The following TPT1 variants were observed in gnomAD, a reference collection of about 807,000 sequenced individuals.
The protein encoded by TPT1 is tumor protein, translationally-controlled 1.
In TPT1, 5 loss-of-function variants were observed where a neutral mutation model predicts 22.8. The ratio of observed to expected loss-of-function variants is 0.22; its 90% CI spans 0.11 to 0.46. The LOEUF (loss-of-function observed/expected upper bound fraction) is 0.46. Ranked by LOEUF, TPT1 falls within the 20% of genes least tolerant of loss-of-function variation. The pLI is 0.99. For missense variants in TPT1, 130 were observed against 218.7 expected, an observed-to-expected ratio of 0.59 and a Z score of 2.56; for synonymous variants, 89 against 73.6, an observed-to-expected ratio of 1.21 and a Z score of -1.07.
Position 45,336,947 on chromosome 13 carries a change from G to GTA in TPT1, c.*437_*438dup, listed in dbSNP as rs1878742161. The GTA allele has an allele frequency of 1.2e-5, 2 of 166,700 alleles. No homozygotes were observed. The highest frequency in any genetic ancestry group is 1.2e-4 in the Admixed American group (2 of 16,612). The allele number at this position is 166,700 out of a possible 1,614,324, so 10.3% of individuals were successfully genotyped here. Reference sequence around the variant, plus strand: ...ACTTCCGTTGTAGGTGATGAAATGGGTAAGGCTCCACACTTCAGATGTTGG... The same window carrying GTA: ...ACTTCCGTTGTAGGTGATGAAATGGGTATAAGGCTCCACACTTCAGATGTTGG... On this transcript the variant is annotated 3_prime_UTR_variant, in exon 6 of 6. Coordinates refer to ENST00000530705, the MANE Select transcript of TPT1 (RefSeq NM_003295.4).
chr13:45,340,611 A>T (rs754558892), intron 2 of TPT1, 101 bp downstream of exon 2: 2 of 1,332,456 alleles, frequency 1.5e-6, no homozygotes, highest in Non-Finnish European at 2.1e-6. Context: ...CTCCTCCGCC[A>T]GGAGGCGGCG....
At chr13:45,339,693 A>T in intron 3 of TPT1, 91 bp from the exon 4 acceptor site, 1 of 1,267,586 alleles carries the variant, frequency 7.9e-7, no homozygotes, top group Non-Finnish European at 1.1e-6. Flanking sequence ...AAAAAAAGAA[A>T]ACACTGAAAA....
chr13:45,340,806 C>T (rs1240826411), intron 1 of TPT1, 21 bp from the exon 2 acceptor site: 2 of 1,512,710 alleles, frequency 1.3e-6, no homozygotes, highest in Admixed American at 2.3e-5. Flanking sequence ...CACAGAGCCG[C>T]CCATCACCGT....
chr13:45,340,431 C>A, intron 2 of TPT1: 1 of 744,292 alleles, frequency 1.3e-6, no homozygotes, highest in Admixed American at 2.0e-5. Flanking sequence ...GTGATGCCTC[C>A]GGTTGGTAAG....
rs1165048123 is a variant in TPT1, at chr13:45,335,110, G to C, written c.*2276C>G. 6.6e-6 allele frequency: 1 copy of C among 152,130 alleles called. No homozygotes were observed. The highest frequency in any genetic ancestry group is 1.5e-5 in the Non-Finnish European group (1 of 68,034). 9.4% of individuals were successfully genotyped at this position (152,130 alleles called of 1,614,324 possible). The stretch of plus-strand genomic sequence containing the variant: ...CTTAGCATCAAAAACAAAATGTTAT[G>C]AGCTTTCTGATGTTCACATCCTTAT... On this transcript the variant is annotated 3_prime_UTR_variant, in exon 6 of 6. Coordinates refer to ENST00000530705, the MANE Select transcript of TPT1 (RefSeq NM_003295.4).
In TPT1 at chr13:45,341,164, G is replaced by C. The variant is rs986813900; in HGVS notation, c.-95C>G. On this transcript the variant is annotated 5_prime_UTR_variant, in exon 1 of 6. Coordinates refer to ENST00000530705, the MANE Select transcript of TPT1 (RefSeq NM_003295.4). The stretch of plus-strand genomic sequence containing the variant: ...GCAGCCGGAGCGGCGCTCGGGGGGA[G>C]GGGGGAGCGGGCGGAAAAGGCCGAC... 2.6e-6 allele frequency: 4 copies of C among 1,543,546 alleles called. No homozygotes were observed. Among genetic ancestry groups the C allele is most frequent in the East Asian group, 2.4e-5 (1 of 42,092 alleles).
rs1359434370 is a variant in TPT1 at position 45,336,240 on chromosome 13, G to GT, written c.*1145dup. On this transcript the variant is annotated 3_prime_UTR_variant, in exon 6 of 6. Coordinates refer to ENST00000530705, the MANE Select transcript of TPT1 (RefSeq NM_003295.4). ...TTGAGCACAGGATGCAGAGAATGCA[G>GT]TGAGTTGCTTGTGCCACTGCACTAC... The GT allele has an allele frequency of 1.3e-5, 2 of 152,384 alleles. No individual in the cohort carries two copies. The highest frequency in any genetic ancestry group is 4.8e-5 in the African/African-American group (2 of 41,578). The allele number at this position is 152,384 out of a possible 1,614,324, so 9.4% of individuals were successfully genotyped here. A position where few individuals can be genotyped will look rare whatever the true frequency, so the allele number is the denominator to read the frequency against.
Position 45,338,792 on chromosome 13 carries a change from A to C in TPT1, c.400-16T>G. The C allele has an allele frequency of 6.4e-7, 1 of 1,565,490 alleles. No homozygotes were observed. The highest frequency in any genetic ancestry group is 1.7e-4 in the Middle Eastern group (1 of 5,862). On this transcript the variant is annotated splice_polypyrimidine_tract_variant and intron_variant, in intron 4 of 5. Transcript: ENST00000530705. ...CAATAAAGAACTTGGGAAGCAAACA[A>C]AATACCTAGAATTAGACTATTACAT...
At chr13:45,339,057 G>A (rs1388238107) in intron 4 of TPT1, 9 of 339,466 alleles carry the variant, frequency 2.7e-5, no homozygotes, top group Non-Finnish European at 3.2e-5. Context: ...CCTAAAGCGT[G>A]CTTATATAGT....
At chr13:45,340,855 C>T in intron 1 of TPT1, 70 bp from the exon 2 acceptor site, 1 of 1,463,418 alleles carries the variant, frequency 6.8e-7, no homozygotes. Flanking sequence ...CCCGCGCCGG[C>T]GGCCGCACGC....
rs1222311538 is a variant in TPT1 at position 45,338,641 on chromosome 13, C to A, written c.516+19G>T. ...GTCTTTTTTACATTATTTATTTTAA[C>A]CCACTTCCTTGTACTTACACATTTT... On this transcript the variant is annotated intron_variant, in intron 5 of 5. Coordinates refer to ENST00000530705, the MANE Select transcript of TPT1 (RefSeq NM_003295.4). 1.2e-6 allele frequency: 2 copies of A among 1,604,422 alleles called. No homozygotes were observed. Among genetic ancestry groups the A allele is most frequent in the Non-Finnish European group, 1.7e-6 (2 of 1,177,578 alleles).
At chr13:45,339,895 C>A in intron 3 of TPT1, 99 bp downstream of exon 3, 1 of 1,364,220 alleles carries the variant, frequency 7.3e-7, no homozygotes, top group Non-Finnish European at 1.0e-6. Context: ...CAAGGACTTT[C>A]ACAAAAGTAT....
At chr13:45,337,741 CTAAG>C in intron 5 of TPT1, 1 of 612,698 alleles carries the variant, frequency 1.6e-6, no homozygotes, top group Non-Finnish European at 2.9e-6. Flanking sequence ...TTATACTGTT[CTAAG>C]TAATTTCTGT....
At position 45,339,544 on chromosome 13, in the gene TPT1, C is replaced by A; in HGVS notation, c.352G>T (p.Ala118Ser). The change falls in exon 4 of 6, where the codon GCT becomes TCT. Residue 118 changes from alanine (A) to serine (S), a missense_variant. By Grantham distance (99) the Ala-to-Ser change is moderately conservative. Transcript: ENST00000530705. The stretch of plus-strand genomic sequence containing the variant: ...AGGATGTGCTTGATTTGTTCTGCAG[C>A]CCCTGTCATAAAAGGTTTTACTCTT... Reference protein sequence around the residue: ...PERVKPFMTGAAEQIKHILAN... With the variant: ...PERVKPFMTGSAEQIKHILAN... 1 of 1,613,878 alleles carries A rather than the reference C, an allele frequency of 6.2e-7. No individual in the cohort carries two copies. Among genetic ancestry groups the A allele is most frequent in the Non-Finnish European group, 8.5e-7 (1 of 1,179,954 alleles).
At chr13:45,338,605 A>C (rs1366954959) in intron 5 of TPT1, 55 bp downstream of exon 5, 1 of 1,589,024 alleles carries the variant, frequency 6.3e-7, no homozygotes, top group East Asian at 2.3e-5. Context: ...ATTGCAAATC[A>C]CATCTAAAAT....
At chr13:45,338,450 T>G in intron 5 of TPT1, 1 of 1,016,830 alleles carries the variant, frequency 9.8e-7, no homozygotes, top group Non-Finnish European at 1.4e-6. Context: ...CCATCTGCAC[T>G]CAACGTTTTC....
intron 4 of TPT1, chr13:45,339,222 A>G (rs1041557390): frequency 7.9e-5 from 30 of 378,252 alleles, no homozygotes; most frequent in South Asian, 3.2e-4. Flanking sequence ...GATACATTAG[A>G]AGGAGGACCA....
chr13:45,338,805 T>TA (rs1482447098), intron 4 of TPT1, 29 bp from the exon 5 acceptor site: 1 of 1,543,848 alleles, frequency 6.5e-7, no homozygotes. Context: ...TACCTAGAAT[T>TA]AGACTATTAC....
rs951917534 is a variant in TPT1 at position 45,334,553 on chromosome 13, A to G, written c.*2833T>C. On this transcript the variant is annotated 3_prime_UTR_variant, in exon 6 of 6. Transcript: ENST00000530705. The stretch of plus-strand genomic sequence containing the variant: ...ACTTTCTTCCAAACGCTCAGACCAA[A>G]ATACTTGTATCAACATTAAATCCAT... 5 of 152,168 alleles carry G rather than the reference A, an allele frequency of 3.3e-5. No homozygotes were observed. The highest frequency in any genetic ancestry group is 9.7e-5 in the African/African-American group (4 of 41,414). The allele number at this position is 152,168 out of a possible 1,614,324, so 9.4% of individuals were successfully genotyped here.
Sources: allele counts gnomAD v4.1 joint callset, GRCh38; gene constraint gnomAD v4.1.1; transcripts MANE v1.5; gene names NCBI Gene and HGNC (gene_info 2026-07-23, HGNC 2026-07-21).